Variants in DYNC1I1 observed in about 807,000 individuals in gnomAD.
The protein encoded by DYNC1I1 is cytoplasmic dynein 1 intermediate chain 1.
In DYNC1I1, 43 loss-of-function variants were observed where a neutral mutation model predicts 86.6. The ratio of observed to expected loss-of-function variants is 0.50; its 90% CI spans 0.39 to 0.64. The LOEUF (loss-of-function observed/expected upper bound fraction) is 0.64, where lower values mean the gene tolerates loss of function less well. Ranked by LOEUF, DYNC1I1 falls within the 30% of genes least tolerant of loss-of-function variation. The pLI is 0.00. For missense variants in DYNC1I1, 604 were observed against 788.8 expected, an observed-to-expected ratio of 0.77 and a Z score of 2.81; for synonymous variants, 262 against 283.7, an observed-to-expected ratio of 0.92 and a Z score of 0.77.
At position 96,067,921 on chromosome 7, in the gene DYNC1I1, G is replaced by A. The variant is rs1028944616; in HGVS notation, c.1510-8136G>A. Among the ~76,000 whole-genome samples the A allele has an allele frequency of 2.0e-5, 3 of 152,040 alleles. No individual in the cohort carries two copies. In the South Asian group the frequency reaches 6.2e-4, roughly 32 times the overall value. Reference sequence around the variant, plus strand: ...GAGAGAGAATGAGAGTAACAAATACGACTATCTACATAATTATGAGATCAA... The same window carrying A: ...GAGAGAGAATGAGAGTAACAAATACAACTATCTACATAATTATGAGATCAA... On this transcript the variant is annotated intron_variant, in intron 14 of 16. Coordinates refer to ENST00000447467, the MANE Select transcript of DYNC1I1 (RefSeq NM_001135556.2).
chr7:96,087,146 A>T (rs1227525709), intron 16 of DYNC1I1, among the ~76,000 whole-genome samples: 6 of 152,216 alleles, frequency 3.9e-5, no homozygotes, highest in Non-Finnish European at 7.3e-5. Context: ...CATGTTTTCC[A>T]GTAATACAGG....
At chr7:95,977,021 T>C (rs573066829) in intron 6 of DYNC1I1, among the ~76,000 whole-genome samples, 1 of 152,320 alleles carries the variant, frequency 6.6e-6, no homozygotes, top group African/African-American at 2.4e-5. Context: ...CCCTTGGTTG[T>C]TTACTTGCCA....
chr7:95,931,687 C>G (rs1791902183), intron 6 of DYNC1I1, among the ~76,000 whole-genome samples: 1 of 152,182 alleles, frequency 6.6e-6, no homozygotes, highest in African/African-American at 2.4e-5. Flanking sequence ...TACATATTGT[C>G]CCTGGCTGCT....
At position 95,806,575 on chromosome 7, in the gene DYNC1I1, A is replaced by G. The variant is rs764075162; in HGVS notation, c.108+1738A>G. ...TGGAATTGACATCATATGAAGTTCTAGTTTCCTCATTTCTAAACTGACTTG... is the reference window on the plus strand; with the variant it reads ...TGGAATTGACATCATATGAAGTTCTGGTTTCCTCATTTCTAAACTGACTTG... On this transcript the variant is annotated intron_variant, in intron 2 of 16. Transcript: ENST00000447467. Among the ~76,000 whole-genome samples the G allele has an allele frequency of 3.3e-5, 5 of 152,284 alleles. No homozygotes were observed. In the East Asian group the frequency reaches 9.7e-4, roughly 29 times the overall value.
intron 5 of DYNC1I1, among the ~76,000 whole-genome samples, chr7:95,851,526 G>A (rs190794983): frequency 3.3e-5 from 5 of 151,936 alleles, no homozygotes; most frequent in East Asian, 1.9e-4. Context: ...ATTGATTTGC[G>A]TTCATGGGAC....
chr7:95,794,758 A>T (rs1277840210), intron 1 of DYNC1I1, among the ~76,000 whole-genome samples: 1 of 152,206 alleles, frequency 6.6e-6, no homozygotes, highest in Non-Finnish European at 1.5e-5. Flanking sequence ...ATAGGACTAG[A>T]GACAATATGT....
chr7:95,971,919 G>A lies in DYNC1I1; in HGVS notation c.491-5593G>A, dbSNP rs561135080. ...ACTCTCCACCCGAGCCAGCCTTAGCGGTCTTCCTGAGGTGGCAGATGGAGG... is the reference window on the plus strand; with the variant it reads ...ACTCTCCACCCGAGCCAGCCTTAGCAGTCTTCCTGAGGTGGCAGATGGAGG... On this transcript the variant is annotated intron_variant, in intron 6 of 16. Transcript: ENST00000447467. Among the ~76,000 whole-genome samples the A allele has an allele frequency of 1.4e-4, 22 of 152,212 alleles. 1 individual carries two copies. The highest frequency in any genetic ancestry group is 3.9e-4 in the East Asian group (2 of 5,164).
chr7:95,851,718 GC>G (rs1789584456), intron 5 of DYNC1I1, among the ~76,000 whole-genome samples: 1 of 152,176 alleles, frequency 6.6e-6, no homozygotes. Context: ...AGGCTGGTGT[GC>G]AATGTCATGA....
At chr7:95,998,421 C>T (rs1793925111) in intron 10 of DYNC1I1, among the ~76,000 whole-genome samples, 1 of 152,222 alleles carries the variant, frequency 6.6e-6, no homozygotes, top group African/African-American at 2.4e-5. Flanking sequence ...CACCTTCTAA[C>T]CCTAAATGGA....
intron 14 of DYNC1I1, among the ~76,000 whole-genome samples, chr7:96,042,089 A>G (rs1562982717): frequency 1.3e-5 from 2 of 152,086 alleles, no homozygotes; most frequent in Non-Finnish European, 1.5e-5. Context: ...TTTTTAAACT[A>G]CCAAAAAAAA....
Position 95,813,258 on chromosome 7 carries a change from A to G in DYNC1I1, c.235A>G (p.Met79Val), listed in dbSNP as rs200318990. 21 of 1,612,866 alleles carry G rather than the reference A, an allele frequency of 1.3e-5. No individual in the cohort carries two copies. The highest frequency in any genetic ancestry group is 1.8e-5 in the Non-Finnish European group (21 of 1,179,506). The change falls in exon 4 of 17, where the codon ATG becomes GTG. Residue 79 changes from methionine (M) to valine (V), a missense_variant. Transcript: ENST00000447467. The stretch of plus-strand genomic sequence containing the variant: ...TTTTCATTATTTAGTCCCAACCCCT[A>G]TGTCTCCCTCCTCGAAATCAGTGAG... ...SPEPPLVPTP[M>V]SPSSKSVSTP...
At chr7:95,917,866 T>A (rs1173576411) in intron 6 of DYNC1I1, among the ~76,000 whole-genome samples, 1 of 152,172 alleles carries the variant, frequency 6.6e-6, no homozygotes, top group African/African-American at 2.4e-5. Flanking sequence ...TGTCTTCCAT[T>A]AGCTAATGGC....
intron 7 of DYNC1I1, among the ~76,000 whole-genome samples, chr7:95,981,923 T>C (rs745350047): frequency 3.3e-5 from 5 of 152,162 alleles, no homozygotes; most frequent in Non-Finnish European, 5.9e-5. Context: ...ATATGGCATC[T>C]ATCTTGGAGT....
At chr7:96,098,499 G>C (rs1791077947), downstream of DYNC1I1, 12 of 871,338 alleles carry the variant, frequency 1.4e-5, no homozygotes, top group African/African-American at 1.8e-5. Flanking sequence ...AGAGATGGGA[G>C]AGATACATTA....
intron 11 of DYNC1I1, 146 bp downstream of exon 11, chr7:96,028,467 G>A: frequency 8.8e-7 from 1 of 1,140,778 alleles, no homozygotes; most frequent in Non-Finnish European, 1.2e-6. Flanking sequence ...GCTAAAAGTT[G>A]AGTGAAAAGT....
At chr7:95,835,714 T>A (rs569276040) in intron 5 of DYNC1I1, among the ~76,000 whole-genome samples, 2 of 152,236 alleles carry the variant, frequency 1.3e-5, no homozygotes, top group East Asian at 3.9e-4. Flanking sequence ...TTGATCCCTT[T>A]ACCATTATGT....
chr7:96,018,385 A>G (rs1425424231), intron 10 of DYNC1I1, among the ~76,000 whole-genome samples: 2 of 152,236 alleles, frequency 1.3e-5, no homozygotes, highest in East Asian at 1.9e-4. Context: ...CCAGTGGCTT[A>G]CTTCTCTGAG....
chr7:95,861,032 C>T (rs1789863263), intron 5 of DYNC1I1, among the ~76,000 whole-genome samples: 1 of 152,104 alleles, frequency 6.6e-6, no homozygotes, highest in Non-Finnish European at 1.5e-5. Context: ...CTGGTTTTAT[C>T]TGCTTGCCTT....
intron 10 of DYNC1I1, among the ~76,000 whole-genome samples, chr7:96,027,527 G>T (rs946273504): frequency 3.3e-5 from 5 of 152,168 alleles, no homozygotes; most frequent in Non-Finnish European, 7.4e-5. Context: ...ATTTCTGGTT[G>T]TTTGTTAAAA....
Sources: allele counts gnomAD v4.1 joint callset (sites outside exome capture counted in the v4.1 genomes callset), GRCh38; gene constraint gnomAD v4.1.1; transcripts MANE v1.5; gene names NCBI Gene and HGNC (gene_info 2026-07-23, HGNC 2026-07-21).